Variants in PIK3C2B observed in about 807,000 individuals in gnomAD.
PIK3C2B encodes the protein phosphatidylinositol-4-phosphate 3-kinase catalytic subunit type 2 beta, also known as phosphatidylinositol 4-phosphate 3-kinase C2 domain-containing subunit beta.
In PIK3C2B, 83 loss-of-function variants were observed where a neutral mutation model predicts 184.3. The ratio of observed to expected loss-of-function variants is 0.45; its 90% CI spans 0.38 to 0.54. The LOEUF is 0.54. Ranked by LOEUF, PIK3C2B falls within the 20% of genes least tolerant of loss-of-function variation. The probability of loss-of-function intolerance (pLI) is 0.00; values close to 1 mark genes in which losing one functional copy is unlikely to be tolerated. For missense variants in PIK3C2B, 1,736 were observed against 2,113.5 expected, an observed-to-expected ratio of 0.82 and a Z score of 3.50; for synonymous variants, 779 against 837.6, an observed-to-expected ratio of 0.93 and a Z score of 1.21.
chr1:204,469,967 T>G (rs1656166553), intron 1 of PIK3C2B, 81 bp from the exon 2 acceptor site: 1 of 599,848 alleles, frequency 1.7e-6, no homozygotes, highest in South Asian at 2.0e-5. Context: ...TTAGGTGATA[T>G]TATCTGGGCC....
At chr1:204,480,571 G>A (rs1286411031) in intron 1 of PIK3C2B, among the ~76,000 whole-genome samples, 1 of 152,128 alleles carries the variant, frequency 6.6e-6, no homozygotes, top group African/African-American at 2.4e-5. Context: ...ACACACATAA[G>A]AGTAGAGGAG....
At chr1:204,461,216 G>C (rs1168833335) in intron 5 of PIK3C2B, among the ~76,000 whole-genome samples, 1 of 152,198 alleles carries the variant, frequency 6.6e-6, no homozygotes, top group Non-Finnish European at 1.5e-5. Context: ...CCTTCCATCT[G>C]TTGGCCCTGC....
At chr1:204,468,838 G>C (rs1449184257) in intron 2 of PIK3C2B, 32 bp downstream of exon 2, 1 of 1,525,786 alleles carries the variant, frequency 6.6e-7, no homozygotes, top group Admixed American at 2.0e-5. Flanking sequence ...CATGGAGAAA[G>C]GAAGGCAGAA....
At chr1:204,426,391 TG>T (rs1322757479) in intron 31 of PIK3C2B, among the ~76,000 whole-genome samples, 7 of 152,354 alleles carry the variant, frequency 4.6e-5, no homozygotes, top group Non-Finnish European at 8.8e-5. Flanking sequence ...GGCTCTGGGC[TG>T]TCAGATCTAA....
intron 1 of PIK3C2B, among the ~76,000 whole-genome samples, chr1:204,478,792 G>C (rs1656907484): frequency 6.6e-6 from 1 of 152,200 alleles, no homozygotes; most frequent in Non-Finnish European, 1.5e-5. Context: ...TGAAGCCAAA[G>C]TGCACACAAG....
chr1:204,440,465 A>ACCAGGTCAAAGATGGC, intron 21 of PIK3C2B, 144 bp from the exon 22 acceptor site: 1 of 772,690 alleles, frequency 1.3e-6, no homozygotes, highest in Non-Finnish European at 1.9e-6. Flanking sequence ...CTCAGCTCAC[A>ACCAGGTCAAAGATGGC]CCAGGTCAAA....
intron 12 of PIK3C2B, among the ~76,000 whole-genome samples, chr1:204,453,482 A>T (rs963562039): frequency 6.6e-6 from 1 of 152,224 alleles, no homozygotes; most frequent in East Asian, 1.9e-4. Flanking sequence ...TCTGAGTGAA[A>T]CCAATGTCCC....
chr1:204,440,765 T>TTATATA (rs34842826), intron 21 of PIK3C2B, among the ~76,000 whole-genome samples: 4,847 of 139,936 alleles, frequency 0.035, 87 homozygotes, highest in Middle Eastern at 0.074. Flanking sequence ...CCCAGCTAAT[T>TTATATA]TATATATATA....
chr1:204,467,181 G>C, intron 2 of PIK3C2B: 1 of 313,518 alleles, frequency 3.2e-6, no homozygotes, highest in Non-Finnish European at 6.3e-6. Flanking sequence ...GAGAGAAGGA[G>C]TGACAGAGGT....
At position 204,424,882 on chromosome 1, in the gene PIK3C2B, G is replaced by A. The variant is rs1376835778; in HGVS notation, c.4875C>T (p.Ala1625=). 1.9e-6 allele frequency: 3 copies of A among 1,614,060 alleles called. No individual in the cohort carries two copies. Among genetic ancestry groups the A allele is most frequent in the Non-Finnish European group, 2.5e-6 (3 of 1,180,034 alleles). ...DLAQEKTGWF[A]LGSRSHGTL ...AGGTGCCATGACTTCGAGATCCCAG[G>A]GCGAACCAGCCGGTCTTCTCCTGAG... Residue 1625 remains alanine (A), a synonymous_variant, in exon 33 of 33, where the codon GCC becomes GCT. Coordinates refer to ENST00000684373, the MANE Select transcript of PIK3C2B (RefSeq NM_001377334.1).
At chr1:204,455,424 A>C (rs1487125204) in intron 11 of PIK3C2B, among the ~76,000 whole-genome samples, 1 of 152,036 alleles carries the variant, frequency 6.6e-6, no homozygotes, top group Non-Finnish European at 1.5e-5. Context: ...TGAGGATTTT[A>C]CCAAAAGAAC....
chr1:204,442,602 T>G lies in PIK3C2B; in HGVS notation c.3080A>C (p.Lys1027Thr), dbSNP rs1384328089. Residue 1027 changes from lysine to threonine, a missense_variant, in exon 20 of 33, where the codon AAG becomes ACG. Lys to Thr is a moderately conservative substitution (Grantham distance 78, BLOSUM62 -1). Transcript: ENST00000684373. ...GILRTGLEEV[K>T]QFFALNGSCR... The stretch of plus-strand genomic sequence containing the variant: ...CGAGCCATTGAGGGCAAAGAACTGC[T>G]TCACCTCCTCCAGGCCCGTGCGGAG... The G allele has an allele frequency of 5.1e-6, 8 of 1,554,746 alleles. No homozygotes were observed. The highest frequency in any genetic ancestry group is 7.0e-6 in the Non-Finnish European group (8 of 1,148,648).
chr1:204,427,162 C>T (rs1313105913), intron 31 of PIK3C2B, among the ~76,000 whole-genome samples: 1 of 151,990 alleles, frequency 6.6e-6, no homozygotes, highest in African/African-American at 2.4e-5. Context: ...TTCCCTTCCT[C>T]TTCTAGTCAC....
At position 204,442,573 on chromosome 1, in the gene PIK3C2B, G is replaced by A. The variant is rs914119854; in HGVS notation, c.3109C>T (p.Arg1037Cys). 26 of 1,555,256 alleles carry A rather than the reference G, an allele frequency of 1.7e-5. No homozygotes were observed. Among genetic ancestry groups the A allele is most frequent in the Admixed American group, 3.9e-5 (2 of 51,378 alleles). Residue 1037 changes from arginine (R) to cysteine (C), a missense_variant, in exon 20 of 33, where the codon CGC becomes TGC. By Grantham distance (180) the Arg-to-Cys change is radical. Coordinates refer to ENST00000684373, the MANE Select transcript of PIK3C2B (RefSeq NM_001377334.1). ...AGCAGACTGGGGCTGAGTGGCAAGCGGCACGAGCCATTGAGGGCAAAGAAC... is the reference window on the plus strand; with the variant it reads ...AGCAGACTGGGGCTGAGTGGCAAGCAGCACGAGCCATTGAGGGCAAAGAAC... ...KQFFALNGSCRLPLSPSLLVK... is the reference protein window; with the variant it reads ...KQFFALNGSCCLPLSPSLLVK...
At chr1:204,454,481 CAAA>C (rs577930655) in intron 12 of PIK3C2B, 185 bp downstream of exon 12, 8,131 of 253,832 alleles carry the variant, frequency 0.032, no homozygotes, top group South Asian at 0.043. Context: ...GGCTGCCTCT[CAAA>C]AAAAAAAAAA....
chr1:204,493,017 G>A (rs1296277450), intron 1 of PIK3C2B, among the ~76,000 whole-genome samples: 1 of 152,206 alleles, frequency 6.6e-6, no homozygotes, highest in Non-Finnish European at 1.5e-5. Context: ...GCCAGACTCT[G>A]GAGGAGCTGG....
chr1:204,473,786 C>T (rs1656482939), intron 1 of PIK3C2B, among the ~76,000 whole-genome samples: 2 of 152,334 alleles, frequency 1.3e-5, no homozygotes, highest in Admixed American at 1.3e-4. Context: ...GAAGCAGATT[C>T]CTGCCTCCTG....
In PIK3C2B at chr1:204,469,625, A is replaced by G; in HGVS notation, c.178T>C (p.Trp60Arg). The change falls in exon 2 of 33, where the codon TGG (tryptophan) becomes CGG (arginine). Residue 60 changes from tryptophan to arginine, a missense_variant. This residue lies in a region of PIK3C2B where 404 missense variants were observed against 418.0 expected (regional missense o/e 0.97). Coordinates refer to ENST00000684373, the MANE Select transcript of PIK3C2B (RefSeq NM_001377334.1). ...KQNADPSLISWDEPGVDFYSK... is the reference protein window; with the variant it reads ...KQNADPSLISRDEPGVDFYSK... ...TAAAAGTCTACCCCAGGCTCATCCC[A>G]GCTGATGAGAGAGGGGTCTGCGTTC... The G allele has an allele frequency of 6.2e-7, 1 of 1,611,492 alleles. No individual in the cohort carries two copies. The highest frequency in any genetic ancestry group is 8.5e-7 in the Non-Finnish European group (1 of 1,178,542).
intron 23 of PIK3C2B, among the ~76,000 whole-genome samples, chr1:204,438,636 G>A (rs1377992922): frequency 1.3e-5 from 2 of 152,218 alleles, no homozygotes; most frequent in Non-Finnish European, 2.9e-5. Flanking sequence ...CCACAACTGG[G>A]AGGGATACAG....
Sources: allele counts gnomAD v4.1 joint callset (sites outside exome capture counted in the v4.1 genomes callset), GRCh38; gene constraint gnomAD v4.1.1; regional missense constraint gnomAD v4.1.1; transcripts MANE v1.5; gene names NCBI Gene and HGNC (gene_info 2026-07-23, HGNC 2026-07-21).